The following AGMO variants were observed in gnomAD, a reference collection of about 807,000 sequenced individuals.
AGMO encodes the protein glyceryl-ether monooxygenase.
A neutral mutation model predicts 60.2 loss-of-function variants in AGMO; 75 were observed. That is an observed-to-expected ratio of 1.25 (90% CI 1.03 to 1.51). The LOEUF (loss-of-function observed/expected upper bound fraction) is 1.51, where lower values mean the gene tolerates loss of function less well. AGMO is among the 40% of genes most tolerant of loss of function. The pLI is 0.00. For synonymous variants in AGMO, 261 were observed against 177.1 expected (o/e 1.47, Z -3.76); for missense variants, 763 against 525.5 (o/e 1.45, Z -4.42).
intron 3 of AGMO, among the ~76,000 whole-genome samples, chr7:15,514,163 T>C (rs1422939657): frequency 6.6e-6 from 1 of 152,160 alleles, no homozygotes; most frequent in Non-Finnish European, 1.5e-5. Flanking sequence ...ACCTCAATTT[T>C]AGCATATCTA....
At chr7:15,339,808 A>T (rs1781779251) in intron 12 of AGMO, among the ~76,000 whole-genome samples, 1 of 152,218 alleles carries the variant, frequency 6.6e-6, no homozygotes, top group South Asian at 2.1e-4. Flanking sequence ...TAGTTAATGA[A>T]AGCATGATAT....
the AGMO span, among the ~76,000 whole-genome samples, chr7:15,118,167 A>ACACACACACAC: frequency 1.7e-5 from 1 of 58,588 alleles, no homozygotes; most frequent in Non-Finnish European, 3.6e-5. Flanking sequence ...AAAACCACTA[A>ACACACACACAC]AGAGAAACAC....
At chr7:15,381,442 CTGTT>C (rs1478460640) in intron 10 of AGMO, among the ~76,000 whole-genome samples, 1 of 151,878 alleles carries the variant, frequency 6.6e-6, no homozygotes, top group Non-Finnish European at 1.5e-5. Context: ...ACATCACTGA[CTGTT>C]AGAGAAATGC....
chr7:15,145,334 T>TCCTATAAAAAA, the AGMO span, among the ~76,000 whole-genome samples: 1 of 152,126 alleles, frequency 6.6e-6, no homozygotes, highest in Admixed American at 6.6e-5. Context: ...TAAAATAAAA[T>TCCTATAAAAAA]AGCACACAGT....
At chr7:15,354,957 A>G (rs569852728) in intron 12 of AGMO, among the ~76,000 whole-genome samples, 44 of 152,172 alleles carry the variant, frequency 2.9e-4, no homozygotes, top group African/African-American at 9.1e-4. Flanking sequence ...CTATGCTAGG[A>G]TGAAGTGGCT....
rs1326489056 is a variant in AGMO at position 15,322,465 on chromosome 7, T to A, written c.1263+43049A>T. Among the ~76,000 whole-genome samples the A allele has an allele frequency of 8.3e-3, 630 of 76,156 alleles. 7 individuals carry two copies. The highest frequency in any genetic ancestry group is 0.028 in the African/African-American group (576 of 20,722). 50.0% of individuals were successfully genotyped at this position (76,156 alleles called of 152,430 possible). ...ATATAAATATATATATAAATATATA[T>A]AAATATATAAATATATATATAAATA... On this transcript the variant is annotated intron_variant, in intron 12 of 12. Coordinates refer to ENST00000342526, the MANE Select transcript of AGMO (RefSeq NM_001004320.2).
intron 12 of AGMO, among the ~76,000 whole-genome samples, chr7:15,225,596 A>G (rs547483290): frequency 6.6e-6 from 1 of 152,068 alleles, no homozygotes; most frequent in Non-Finnish European, 1.5e-5. Flanking sequence ...ACTTACATTA[A>G]TATGAGAGAT....
At chr7:15,522,506 AG>A (rs1308698912) in intron 3 of AGMO, among the ~76,000 whole-genome samples, 1 of 152,208 alleles carries the variant, frequency 6.6e-6, no homozygotes, top group African/African-American at 2.4e-5. Flanking sequence ...ACAGGTATAT[AG>A]AACAATGGAA....
At chr7:15,348,290 T>C (rs1021840880) in intron 12 of AGMO, among the ~76,000 whole-genome samples, 4 of 151,940 alleles carry the variant, frequency 2.6e-5, no homozygotes, top group African/African-American at 9.7e-5. Context: ...TCAATATACA[T>C]CAATATAGTG....
intron 3 of AGMO, among the ~76,000 whole-genome samples, chr7:15,495,855 TCTCTCTCTCTC>T (rs1203037442): frequency 4.2e-3 from 402 of 96,638 alleles, no homozygotes; most frequent in East Asian, 0.012. Context: ...CTCTCTCTCC[TCTCTCTCTCTC>T]CTCTCTCTCT....
intron 6 of AGMO, 87 bp downstream of exon 6, chr7:15,394,026 G>A (rs1784261646): frequency 2.0e-6 from 2 of 990,546 alleles, no homozygotes; most frequent in South Asian, 1.3e-5. Flanking sequence ...ACTATATTGG[G>A]AAATTGTGAT....
intron 12 of AGMO, among the ~76,000 whole-genome samples, chr7:15,332,115 T>G (rs532569970): frequency 1.3e-5 from 2 of 152,188 alleles, no homozygotes; most frequent in African/African-American, 4.8e-5. Context: ...GGATACACAC[T>G]AGACAGGAAG....
chr7:15,479,114 G>T lies in AGMO; in HGVS notation c.410-48006C>A, dbSNP rs527606869. 2.0e-5 allele frequency among the ~76,000 whole-genome samples: 3 copies of T among 152,226 alleles called. No individual in the cohort carries two copies. The South Asian group carries it at 6.2e-4, about 32-fold the overall frequency. On this transcript the variant is annotated intron_variant, in intron 3 of 12. Transcript: ENST00000342526. ...ATAAATATCTGCATAGACAGTGCAAGGATATATTGTTTTACATAGAAGTTT... is the reference window on the plus strand; with the variant it reads ...ATAAATATCTGCATAGACAGTGCAATGATATATTGTTTTACATAGAAGTTT...
At chr7:15,214,454 T>C (rs1781678828) in intron 12 of AGMO, among the ~76,000 whole-genome samples, 1 of 151,942 alleles carries the variant, frequency 6.6e-6, no homozygotes, top group Non-Finnish European at 1.5e-5. Context: ...ACCCCTAAAG[T>C]ATAATACACA....
chr7:15,368,585 A>G (rs1583466098), intron 10 of AGMO, among the ~76,000 whole-genome samples: 1 of 152,264 alleles, frequency 6.6e-6, no homozygotes, highest in Admixed American at 6.5e-5. Context: ...TTTGGCAAGG[A>G]CTGTAATCTT....
chr7:15,169,176 G>A, the AGMO span, among the ~76,000 whole-genome samples: 1 of 152,136 alleles, frequency 6.6e-6, no homozygotes, highest in Non-Finnish European at 1.5e-5. Context: ...TTTAGGTCAG[G>A]GGTTGGCAAA....
At chr7:15,466,245 T>C (rs974955646) in intron 3 of AGMO, among the ~76,000 whole-genome samples, 12 of 152,164 alleles carry the variant, frequency 7.9e-5, no homozygotes, top group African/African-American at 2.7e-4. Context: ...AGTGTAGAAA[T>C]GGAGCACAGA....
At chr7:15,193,683 T>C in the AGMO span, among the ~76,000 whole-genome samples, 1 of 152,192 alleles carries the variant, frequency 6.6e-6, no homozygotes, top group Non-Finnish European at 1.5e-5. Context: ...TGTCAATCTT[T>C]ACTGATATTT....
the AGMO span, among the ~76,000 whole-genome samples, chr7:15,155,688 T>G: frequency 3.3e-5 from 5 of 151,996 alleles, no homozygotes; most frequent in African/African-American, 9.7e-5. Context: ...GTGCGGTCAT[T>G]TGGAGGTAAA....
Sources: allele counts gnomAD v4.1 joint callset (sites outside exome capture counted in the v4.1 genomes callset), GRCh38; gene constraint gnomAD v4.1.1; transcripts MANE v1.5; gene names NCBI Gene and HGNC (gene_info 2026-07-23, HGNC 2026-07-21).